The following TAFA2 variants were observed in gnomAD, a reference collection of about 807,000 sequenced individuals.
The protein encoded by TAFA2 is TAFA chemokine like family member 2, also known as chemokine-like protein TAFA-2.
In TAFA2, 7 loss-of-function variants were observed where a neutral mutation model predicts 18.8. The ratio of observed to expected loss-of-function variants is 0.37; its 90% CI spans 0.21 to 0.70. The LOEUF (loss-of-function observed/expected upper bound fraction) is 0.70, where lower values mean the gene tolerates loss of function less well. Among genes scored for constraint, TAFA2 ranks in the 30% least tolerant of loss-of-function variants. The pLI is 0.53. For synonymous variants in TAFA2, 60 were observed against 54.2 expected (o/e 1.11, Z -0.47); for missense variants, 122 against 158.1 (o/e 0.77, Z 1.23).
rs755089946 is a variant in TAFA2 at position 61,709,456 on chromosome 12, A to T, written c.*950T>A. 1.3e-5 allele frequency: 2 copies of T among 152,116 alleles called. No homozygotes were observed. Among genetic ancestry groups the T allele is most frequent in the Non-Finnish European group, 2.9e-5 (2 of 67,990 alleles). 9.4% of individuals were successfully genotyped at this position (152,116 alleles called of 1,614,324 possible). The stretch of plus-strand genomic sequence containing the variant: ...AGGACAGTTTTTTAAAAAATACTGG[A>T]AGAAATCTAAGTGAATAATGTTCAA... On this transcript the variant is annotated 3_prime_UTR_variant, in exon 5 of 5. Coordinates refer to ENST00000416284, the MANE Select transcript of TAFA2 (RefSeq NM_178539.5).
intron 2 of TAFA2, among the ~76,000 whole-genome samples, chr12:61,793,129 A>G (rs1265934069): frequency 6.6e-6 from 1 of 151,594 alleles, no homozygotes; most frequent in Non-Finnish European, 1.5e-5. Context: ...GGCACCTTAT[A>G]GCACTAAGCA....
At chr12:61,725,316 T>C (rs1354589793) in intron 4 of TAFA2, among the ~76,000 whole-genome samples, 1 of 152,132 alleles carries the variant, frequency 6.6e-6, no homozygotes, top group Non-Finnish European at 1.5e-5. Context: ...TCTTTGTTTT[T>C]GCCACATTTG....
intron 1 of TAFA2, among the ~76,000 whole-genome samples, chr12:62,073,169 A>G (rs1467476318): frequency 6.6e-6 from 1 of 152,054 alleles, no homozygotes; most frequent in African/African-American, 2.4e-5. Flanking sequence ...ACAGAGTAAG[A>G]CAAAGAATAG....
chr12:61,727,514 TCATAGTAGC>T (rs1870225902), intron 4 of TAFA2, among the ~76,000 whole-genome samples: 1 of 152,062 alleles, frequency 6.6e-6, no homozygotes, highest in Non-Finnish European at 1.5e-5. Context: ...ATAAAGGTGT[TCATAGTAGC>T]CTTGGATGAT....
chr12:61,724,782 T>TATACACCAGATGG (rs1254498860), intron 4 of TAFA2, among the ~76,000 whole-genome samples: 1 of 99,416 alleles, frequency 1.0e-5, no homozygotes, highest in African/African-American at 4.0e-5. Context: ...TGTGTGTGTG[T>TATACACCAGATGG]GTGTGTGTGT....
intron 1 of TAFA2, among the ~76,000 whole-genome samples, chr12:62,099,309 T>C (rs577564881): frequency 3.9e-5 from 6 of 152,260 alleles, no homozygotes; most frequent in African/African-American, 1.4e-4. Context: ...ATCCGTACTA[T>C]ATTAAAAGAG....
At chr12:62,135,662 A>G (rs1870865444) in intron 1 of TAFA2, 1 of 152,198 alleles carries the variant, frequency 6.6e-6, no homozygotes, top group Admixed American at 6.6e-5. Context: ...CTTTTTAGAA[A>G]GCAAACTCAG....
At chr12:62,161,650 A>G (rs1440190230) in intron 1 of TAFA2, among the ~76,000 whole-genome samples, 1 of 151,444 alleles carries the variant, frequency 6.6e-6, no homozygotes, top group Non-Finnish European at 1.5e-5. Flanking sequence ...TGGCCACTAC[A>G]CAATCTACAC....
At chr12:62,223,015 A>G (rs2062770512) in intron 1 of TAFA2, among the ~76,000 whole-genome samples, 1 of 152,182 alleles carries the variant, frequency 6.6e-6, no homozygotes, top group Non-Finnish European at 1.5e-5. Context: ...AGGACAAAAA[A>G]GAAGACAAAT....
chr12:61,931,526 C>G (rs140599684), intron 1 of TAFA2, among the ~76,000 whole-genome samples: 2 of 152,178 alleles, frequency 1.3e-5, no homozygotes, highest in African/African-American at 2.4e-5. Context: ...ACACACCTAT[C>G]GTGGAATTTT....
chr12:62,077,546 A>G (rs1368874840), intron 1 of TAFA2, among the ~76,000 whole-genome samples: 3 of 152,158 alleles, frequency 2.0e-5, no homozygotes, highest in African/African-American at 4.8e-5. Context: ...ATTTCCTTTA[A>G]TGACTGGATT....
intron 2 of TAFA2, among the ~76,000 whole-genome samples, chr12:61,840,659 G>A (rs542208875): frequency 6.6e-6 from 1 of 152,126 alleles, no homozygotes; most frequent in South Asian, 2.1e-4. Context: ...TCACTCTCTG[G>A]ATATTAAAGA....
At chr12:61,982,876 C>CAAA (rs3031097) in intron 1 of TAFA2, among the ~76,000 whole-genome samples, 3 of 101,596 alleles carry the variant, frequency 3.0e-5, no homozygotes, top group Admixed American at 1.1e-4. Flanking sequence ...AAGTGGAAGG[C>CAAA]AAAAAAAAAA....
At chr12:62,087,819 T>C (rs1433736754) in intron 1 of TAFA2, among the ~76,000 whole-genome samples, 2 of 152,110 alleles carry the variant, frequency 1.3e-5, no homozygotes, top group Non-Finnish European at 2.9e-5. Flanking sequence ...TTAGGAGTTG[T>C]TCTAACAGTA....
intron 1 of TAFA2, among the ~76,000 whole-genome samples, chr12:61,877,504 C>T (rs1483569818): frequency 6.6e-6 from 1 of 152,070 alleles, no homozygotes; most frequent in Non-Finnish European, 1.5e-5. Flanking sequence ...TGGTGGAAGC[C>T]TATTACCTGG....
At chr12:61,975,514 C>CGTGTGT (rs3031098) in intron 1 of TAFA2, among the ~76,000 whole-genome samples, 3,284 of 136,568 alleles carry the variant, frequency 0.024, 69 homozygotes, top group Non-Finnish European at 0.034. Context: ...CAATAATATT[C>CGTGTGT]GTGTGTGTGT....
At chr12:62,239,486 C>A (rs1481072733) in intron 1 of TAFA2, among the ~76,000 whole-genome samples, 2 of 152,166 alleles carry the variant, frequency 1.3e-5, no homozygotes, top group Non-Finnish European at 2.9e-5. Flanking sequence ...TTAATAGCTC[C>A]TCTTTTTAGT....
chr12:62,108,813 C>T (rs528209373), intron 1 of TAFA2, among the ~76,000 whole-genome samples: 91 of 152,270 alleles, frequency 6.0e-4, no homozygotes, highest in African/African-American at 2.1e-3. Context: ...TCATATCCTT[C>T]ACCCACTTTT....
intron 1 of TAFA2, among the ~76,000 whole-genome samples, chr12:61,919,307 C>T (rs528130622): frequency 2.4e-4 from 37 of 152,140 alleles, no homozygotes; most frequent in Admixed American, 5.9e-4. Flanking sequence ...TCCAACTTCC[C>T]GCCCCTGGCC....
Sources: gnomAD v4.1 joint callset for allele counts (sites outside exome capture counted in the v4.1 genomes callset) on GRCh38, gnomAD v4.1.1 for gene constraint, MANE v1.5 for transcripts, NCBI Gene and HGNC (gene_info 2026-07-23, HGNC 2026-07-21) for gene names.